The following EPB41 variants were observed in gnomAD, a reference collection of about 807,000 sequenced individuals.
The protein encoded by EPB41 is erythrocyte membrane protein band 4.1, also known as protein 4.1.
In EPB41, 65 loss-of-function variants were observed where a neutral mutation model predicts 108.0. That is an observed-to-expected ratio of 0.60 (90% CI 0.49 to 0.74). The LOEUF (loss-of-function observed/expected upper bound fraction) is 0.74. Among genes scored for constraint, EPB41 ranks in the 30% least tolerant of loss-of-function variants. The pLI is 0.00. For synonymous variants in EPB41, 336 were observed against 358.9 expected (o/e 0.94, Z 0.72); for missense variants, 875 against 1,037.0 (o/e 0.84, Z 2.15).
chr1:29,026,338 G>A (rs1376885072), intron 7 of EPB41, among the ~76,000 whole-genome samples: 1 of 152,182 alleles, frequency 6.6e-6, no homozygotes, highest in Non-Finnish European at 1.5e-5. Context: ...CGTTAAAACT[G>A]GAGGCTTCAA....
At chr1:28,929,656 C>T (rs1274138577) in intron 1 of EPB41, among the ~76,000 whole-genome samples, 3 of 151,938 alleles carry the variant, frequency 2.0e-5, no homozygotes, top group African/African-American at 4.8e-5. Context: ...CTCAGCCCGC[C>T]GAGTAGCTGG....
chr1:28,954,730 C>T (rs1231035772), intron 1 of EPB41, among the ~76,000 whole-genome samples: 1 of 152,032 alleles, frequency 6.6e-6, no homozygotes, highest in East Asian at 1.9e-4. Context: ...ATGTTTAAGG[C>T]ATGTTTGGTT....
chr1:29,030,723 C>T (rs2150280030), intron 8 of EPB41, among the ~76,000 whole-genome samples: 1 of 152,054 alleles, frequency 6.6e-6, no homozygotes, highest in Non-Finnish European at 1.5e-5. Flanking sequence ...GTACAGTGAG[C>T]CCTGATTGTG....
chr1:29,018,213 T>G lies in EPB41; in HGVS notation c.906-11T>G. The G allele has an allele frequency of 6.2e-7, 1 of 1,613,156 alleles. No homozygotes were observed. The highest frequency in any genetic ancestry group is 8.5e-7 in the Non-Finnish European group (1 of 1,179,144). On this transcript the variant is annotated splice_polypyrimidine_tract_variant and intron_variant, in intron 6 of 20. Coordinates refer to ENST00000343067, the MANE Select transcript of EPB41 (RefSeq NM_001376013.1). This position sits in a 1 kb window ranked among gnomAD's most constrained non-coding sequence, Gnocchi z 4.4. ...TGTTGCTGACATAACATTTTTCTCTTTTGGCTGTAGATATTATTTATGTCT... is the reference window on the plus strand; with the variant it reads ...TGTTGCTGACATAACATTTTTCTCTGTTGGCTGTAGATATTATTTATGTCT...
intron 1 of EPB41, among the ~76,000 whole-genome samples, chr1:28,903,587 C>T (rs532985082): frequency 5.1e-4 from 78 of 152,008 alleles, no homozygotes; most frequent in Non-Finnish European, 7.8e-4. Context: ...TCCCAAAGTG[C>T]TGGGATTACA....
intron 7 of EPB41, among the ~76,000 whole-genome samples, chr1:29,025,891 G>A (rs573335524): frequency 2.0e-5 from 3 of 150,760 alleles, no homozygotes; most frequent in Non-Finnish European, 4.4e-5. Context: ...AAGTGGATGA[G>A]GATGGTAGTC....
In EPB41 at chr1:29,114,391, C is replaced by T. The variant is rs183572085; in HGVS notation, c.2497-1308C>T. Among the ~76,000 whole-genome samples, 45 of 152,254 alleles carry T rather than the reference C, an allele frequency of 3.0e-4. 1 individual carries two copies. The South Asian group carries it at 6.6e-3, about 22-fold the overall frequency. ...GGTGCGTTGGCTCACGCCTATAATC[C>T]CAGTACTTTGGGAGGCCGAGCAAGG... On this transcript the variant is annotated intron_variant, in intron 19 of 20. Transcript: ENST00000343067.
chr1:29,024,066 G>A (rs2096682463), intron 7 of EPB41, among the ~76,000 whole-genome samples: 1 of 152,072 alleles, frequency 6.6e-6, no homozygotes, highest in African/African-American at 2.4e-5. Context: ...GCTGGGCACG[G>A]TGGCTCACAC....
chr1:28,985,335 A>G (rs1168970487), intron 1 of EPB41, among the ~76,000 whole-genome samples: 1 of 152,190 alleles, frequency 6.6e-6, no homozygotes, highest in Non-Finnish European at 1.5e-5. Flanking sequence ...ATAAAAAAAA[A>G]ATATGTCAAG....
intron 1 of EPB41, among the ~76,000 whole-genome samples, chr1:28,889,225 C>G (rs116534679): frequency 0.035 from 5,360 of 152,278 alleles, 236 homozygotes; most frequent in African/African-American, 0.1. Flanking sequence ...AGAACGGTAG[C>G]TGGTCTGATA....
Position 28,902,182 on chromosome 1 carries a change from G to A in EPB41, c.-8+14972G>A, listed in dbSNP as rs574046772. 1,121 of 985,184 alleles carry A rather than the reference G, an allele frequency of 1.1e-3. 2 individuals are homozygous for A. The highest frequency in any genetic ancestry group is 1.3e-3 in the Non-Finnish European group (1,046 of 829,804). The allele number at this position is 985,184 out of a possible 1,614,324, so 61.0% of individuals were successfully genotyped here. A position where few individuals can be genotyped will look rare whatever the true frequency, so the allele number is the denominator to read the frequency against. Reference sequence around the variant, plus strand: ...TGTGTGAATGAGAGAAAAAGTGAGCGGTCATCATCCTTTCCATTTGTCAGA... The same window carrying A: ...TGTGTGAATGAGAGAAAAAGTGAGCAGTCATCATCCTTTCCATTTGTCAGA... On this transcript the variant is annotated intron_variant, in intron 1 of 16. Coordinates refer to the EPB41 transcript ENST00000347529.
At chr1:28,908,427 T>TATG (rs2091998994) in intron 1 of EPB41, among the ~76,000 whole-genome samples, 1 of 149,900 alleles carries the variant, frequency 6.7e-6, no homozygotes, top group African/African-American at 2.4e-5. Context: ...TAGTTATTAT[T>TATG]ATTATTATTA....
chr1:28,994,474 G>A (rs1388554151), intron 3 of EPB41, among the ~76,000 whole-genome samples: 1 of 151,558 alleles, frequency 6.6e-6, no homozygotes, highest in Admixed American at 6.6e-5. Flanking sequence ...CCCGGCCAGA[G>A]CAAGTTGAAA....
chr1:29,109,598 T>A, intron 18 of EPB41, 161 bp downstream of exon 18: 1 of 687,852 alleles, frequency 1.5e-6, no homozygotes, highest in Non-Finnish European at 2.6e-6. Flanking sequence ...CCCTGCTGCC[T>A]TCCCCAGCAA....
chr1:28,963,435 A>G (rs1381166512), intron 1 of EPB41, among the ~76,000 whole-genome samples: 1 of 152,036 alleles, frequency 6.6e-6, no homozygotes, highest in East Asian at 1.9e-4. Context: ...TAAATCTGAA[A>G]GAATCATTTC....
At chr1:29,027,853 T>C (rs2096740917) in intron 7 of EPB41, among the ~76,000 whole-genome samples, 1 of 152,104 alleles carries the variant, frequency 6.6e-6, no homozygotes, top group Non-Finnish European at 1.5e-5. Flanking sequence ...AGACGGAGTT[T>C]CGCTCTTGTT....
intron 1 of EPB41, among the ~76,000 whole-genome samples, chr1:28,928,699 CA>C (rs2093584599): frequency 6.6e-6 from 1 of 152,172 alleles, no homozygotes; most frequent in Non-Finnish European, 1.5e-5. Flanking sequence ...AGTACTTAAT[CA>C]GGTCCAAAGT....
At chr1:29,089,123 A>G (rs1319897650) in intron 16 of EPB41, among the ~76,000 whole-genome samples, 1 of 152,220 alleles carries the variant, frequency 6.6e-6, no homozygotes, top group African/African-American at 2.4e-5. Flanking sequence ...TCATAATTAT[A>G]CTGTAAATAA....
chr1:29,049,547 A>G (rs916948762), intron 11 of EPB41, among the ~76,000 whole-genome samples: 3 of 152,166 alleles, frequency 2.0e-5, no homozygotes, highest in African/African-American at 7.2e-5. Flanking sequence ...GTCTTGAAAA[A>G]CAAACATTGT....
Sources: allele counts gnomAD v4.1 joint callset (sites outside exome capture counted in the v4.1 genomes callset), GRCh38; gene constraint gnomAD v4.1.1; non-coding constraint Gnocchi (gnomAD v3.1); transcripts MANE v1.5; gene names NCBI Gene and HGNC (gene_info 2026-07-23, HGNC 2026-07-21).